ETFA: variants seen among roughly 807,000 people sequenced by gnomAD.
The protein encoded by ETFA is electron transfer flavoprotein subunit alpha.
Under a neutral mutation model 46.2 loss-of-function variants are expected in ETFA, and 22 were observed. That is an observed-to-expected ratio of 0.48 (90% CI 0.34 to 0.68). ETFA has a LOEUF of 0.68. ETFA is among the 30% of genes least tolerant of loss of function. ETFA has a pLI of 0.01. For synonymous variants in ETFA, 131 were observed against 139.9 expected, an observed-to-expected ratio of 0.94 and a Z score of 0.45; for missense variants, 345 against 401.1, an observed-to-expected ratio of 0.86 and a Z score of 1.19.
chr15:76,309,619 C>A (rs530420056), intron 1 of ETFA, among the ~76,000 whole-genome samples: 3 of 152,302 alleles, frequency 2.0e-5, no homozygotes, highest in East Asian at 3.9e-4. Context: ...TTAATCATTC[C>A]ATTTTTTTCT....
chr15:76,255,882 T>C (rs1166591259), intron 9 of ETFA, among the ~76,000 whole-genome samples: 1 of 151,940 alleles, frequency 6.6e-6, no homozygotes, highest in African/African-American at 2.4e-5. Context: ...ACTGCATTCT[T>C]CATGGCCACA....
At chr15:76,217,586 C>T in intron 11 of ETFA, 1 of 455,278 alleles carries the variant, frequency 2.2e-6, no homozygotes, top group Non-Finnish European at 4.4e-6. Flanking sequence ...AATTACTAAC[C>T]CTTAGTCGTG....
intron 5 of ETFA, 103 bp from the exon 6 acceptor site, chr15:76,286,584 TA>T (rs761527110): frequency 1.3e-6 from 1 of 754,080 alleles, no homozygotes; most frequent in Non-Finnish European, 2.4e-6. Context: ...AAGAAATAAC[TA>T]TTGACCAGTT....
chr15:76,231,431 A>G lies in ETFA; in HGVS notation c.817-33T>C, dbSNP rs968852671. 1.2e-5 allele frequency: 15 copies of G among 1,284,808 alleles called. No individual in the cohort carries two copies. The African/African-American group carries it at 1.8e-4, about 15-fold the overall frequency. 79.6% of individuals were successfully genotyped at this position (1,284,808 alleles called of 1,614,324 possible). A position where few individuals can be genotyped will look rare whatever the true frequency, so the allele number is the denominator to read the frequency against. On this transcript the variant is annotated intron_variant, in intron 9 of 11. Transcript: ENST00000557943. ...AAAAGAGGTCACATTATTAATATGT[A>G]TTTATATTATATAATACTTTCCAAA...
intron 9 of ETFA, chr15:76,261,483 C>T: frequency 2.4e-6 from 2 of 817,716 alleles, no homozygotes; most frequent in Non-Finnish European, 2.0e-6. Context: ...GGATGTCAGG[C>T]TCCTCCATCC....
chr15:76,289,640 C>A (rs1175198514), intron 4 of ETFA, among the ~76,000 whole-genome samples: 5 of 152,072 alleles, frequency 3.3e-5, no homozygotes, highest in Non-Finnish European at 5.9e-5. Context: ...GAAGAAGAAG[C>A]AATAATTGAG....
rs143547693 is a variant in ETFA at position 76,250,133 on chromosome 15, A to G, written c.817-18735T>C. ...AATAGGTAAAGTGTGATAAATTCAT[A>G]TAATAGAATACCATACATAAATGAA... On this transcript the variant is annotated intron_variant, in intron 9 of 11. Coordinates refer to ENST00000557943, the MANE Select transcript of ETFA (RefSeq NM_000126.4). Among the ~76,000 whole-genome samples the G allele has an allele frequency of 4.1e-4, 62 of 152,366 alleles. No homozygotes were observed. In the East Asian group the frequency reaches 0.012, roughly 28 times the overall value.
At chr15:76,267,713 C>T (rs940267343) in intron 9 of ETFA, among the ~76,000 whole-genome samples, 1 of 152,128 alleles carries the variant, frequency 6.6e-6, no homozygotes. Context: ...TTGCATTTAG[C>T]TTTATTAACA....
chr15:76,238,161 C>T (rs1241540084), intron 9 of ETFA, among the ~76,000 whole-genome samples: 1 of 152,154 alleles, frequency 6.6e-6, no homozygotes, highest in Non-Finnish European at 1.5e-5. Context: ...ATTCTGCCTG[C>T]AGCAACTTCA....
At chr15:76,293,815 C>T (rs752351256) in intron 2 of ETFA, among the ~76,000 whole-genome samples, 4 of 152,184 alleles carry the variant, frequency 2.6e-5, no homozygotes, top group Non-Finnish European at 5.9e-5. Context: ...AAGTGTTCAC[C>T]GGCATACCAT....
rs2039998402 is a variant in ETFA at position 76,311,466 on chromosome 15, T to C, written c.-78A>G. On this transcript the variant is annotated 5_prime_UTR_variant, in exon 1 of 12. Transcript: ENST00000557943. ...ACTGGCGCCGCCTCAGCCAGTCACCTAATGCTCGCGAGACGCGCGAACGAG... is the reference window on the plus strand; with the variant it reads ...ACTGGCGCCGCCTCAGCCAGTCACCCAATGCTCGCGAGACGCGCGAACGAG... The C allele has an allele frequency of 4.0e-6, 6 of 1,515,976 alleles. No individual in the cohort carries two copies. The highest frequency in any genetic ancestry group is 2.0e-5 in the Admixed American group (1 of 50,938). The allele number at this position is 1,515,976 out of a possible 1,614,324, so 93.9% of individuals were successfully genotyped here. A position where few individuals can be genotyped will look rare whatever the true frequency, so the allele number is the denominator to read the frequency against.
At chr15:76,292,078 T>C (rs1393808461) in intron 4 of ETFA, among the ~76,000 whole-genome samples, 1 of 152,180 alleles carries the variant, frequency 6.6e-6, no homozygotes, top group African/African-American at 2.4e-5. Context: ...TAGATATCCA[T>C]CAGCCATCCA....
chr15:76,295,793 T>C, intron 1 of ETFA, 56 bp from the exon 2 acceptor site: 1 of 1,471,350 alleles, frequency 6.8e-7, no homozygotes, highest in Non-Finnish European at 9.3e-7. Flanking sequence ...AGGGTTTTTT[T>C]TTTTTTTTTT....
chr15:76,234,241 GCT>G (rs1470687668), intron 9 of ETFA, among the ~76,000 whole-genome samples: 6 of 152,258 alleles, frequency 3.9e-5, no homozygotes, highest in African/African-American at 1.4e-4. Flanking sequence ...TTTGGCGGCT[GCT>G]CTGAGGCTCT....
chr15:76,232,664 C>T lies in ETFA; in HGVS notation c.817-1266G>A, dbSNP rs187887362. On this transcript the variant is annotated intron_variant, in intron 9 of 11. Transcript: ENST00000557943. ...CTAGGATCTGAAAATAATGTTATTA[C>T]CTCCTAATGTCATGATTTTTCATAG... Among the ~76,000 whole-genome samples, 48 of 152,250 alleles carry T rather than the reference C, an allele frequency of 3.2e-4. No homozygotes were observed. The East Asian group carries it at 9.1e-3, about 29-fold the overall frequency.
intron 11 of ETFA, among the ~76,000 whole-genome samples, chr15:76,223,690 T>C (rs1015805567): frequency 6.6e-6 from 1 of 152,222 alleles, no homozygotes; most frequent in Non-Finnish European, 1.5e-5. Flanking sequence ...GTCAGCTGAC[T>C]AGATGATTTT....
intron 9 of ETFA, chr15:76,259,391 A>G: frequency 7.3e-7 from 1 of 1,364,476 alleles, no homozygotes; most frequent in South Asian, 1.2e-5. Flanking sequence ...GGTCGTCTGA[A>G]GGCCTAAGGA....
intron 1 of ETFA, among the ~76,000 whole-genome samples, chr15:76,306,983 A>G (rs1385430244): frequency 6.6e-6 from 1 of 152,200 alleles, no homozygotes; most frequent in Non-Finnish European, 1.5e-5. Context: ...ACAGAGTTCA[A>G]TCTTATTCAT....
intron 9 of ETFA, among the ~76,000 whole-genome samples, chr15:76,268,548 T>C (rs1391198041): frequency 6.6e-6 from 1 of 152,202 alleles, no homozygotes; most frequent in African/African-American, 2.4e-5. Context: ...AACAGATGCT[T>C]AATGGACCAA....
Sources: allele counts gnomAD v4.1 joint callset (sites outside exome capture counted in the v4.1 genomes callset), GRCh38; gene constraint gnomAD v4.1.1; transcripts MANE v1.5; gene names NCBI Gene and HGNC (gene_info 2026-07-23, HGNC 2026-07-21).